FSTL4: variants seen among roughly 807,000 people sequenced by gnomAD.
FSTL4 encodes the protein follistatin like 4, also known as follistatin-related protein 4.
Under a neutral mutation model 78.2 loss-of-function variants are expected in FSTL4, and 28 were observed. The ratio of observed to expected loss-of-function variants is 0.36; its 90% confidence interval spans 0.27 to 0.49. The LOEUF (loss-of-function observed/expected upper bound fraction) is 0.49, where lower values mean the gene tolerates loss of function less well. Ranked by LOEUF, FSTL4 falls within the 20% of genes least tolerant of loss-of-function variation. The probability of loss-of-function intolerance (pLI) is 0.98; values close to 1 mark genes in which losing one functional copy is unlikely to be tolerated. For missense variants in FSTL4, 922 were observed against 1,084.9 expected (o/e 0.85, Z 2.11); for synonymous variants, 422 against 440.5 (o/e 0.96, Z 0.53).
At chr5:133,274,432 C>T (rs1191289011) in intron 6 of FSTL4, among the ~76,000 whole-genome samples, 1 of 88,600 alleles carries the variant, frequency 1.1e-5, no homozygotes, top group African/African-American at 4.4e-5. Flanking sequence ...ATTAAATTAG[C>T]AACTCTGTCT....
chr5:133,251,616 T>C (rs887727875), intron 6 of FSTL4, among the ~76,000 whole-genome samples: 1 of 152,084 alleles, frequency 6.6e-6, no homozygotes, highest in African/African-American at 2.4e-5. Context: ...CCCCGAACTT[T>C]AGTCAGAGAG....
At chr5:133,290,961 T>A (rs114356078) in intron 6 of FSTL4, among the ~76,000 whole-genome samples, 1,920 of 152,286 alleles carry the variant, frequency 0.013, 43 homozygotes, top group African/African-American at 0.043. Flanking sequence ...GGCTTCCCAC[T>A]CTTGTGCCGC....
chr5:133,251,389 G>A (rs936132889), intron 6 of FSTL4, among the ~76,000 whole-genome samples: 1 of 152,154 alleles, frequency 6.6e-6, no homozygotes, highest in Non-Finnish European at 1.5e-5. Context: ...CATGTGTCTG[G>A]GCAGAGAGCC....
chr5:133,293,007 A>G (rs1272371175), intron 6 of FSTL4, among the ~76,000 whole-genome samples: 4 of 152,196 alleles, frequency 2.6e-5, no homozygotes, highest in African/African-American at 9.7e-5. Flanking sequence ...TGGAGGCCTG[A>G]GAAGAAAATT....
chr5:133,327,277 T>C (rs573811116), intron 4 of FSTL4, among the ~76,000 whole-genome samples: 5 of 152,300 alleles, frequency 3.3e-5, no homozygotes, highest in African/African-American at 9.6e-5. Flanking sequence ...GGTCTGCAGG[T>C]CTGTTAGAAA....
chr5:133,242,699 C>T (rs545732785), intron 7 of FSTL4, among the ~76,000 whole-genome samples: 5 of 152,178 alleles, frequency 3.3e-5, no homozygotes, highest in South Asian at 2.1e-4. Flanking sequence ...GACACTACTC[C>T]CAATGGTTTG....
At chr5:133,251,610 G>A (rs189181223) in intron 6 of FSTL4, among the ~76,000 whole-genome samples, 199 of 151,928 alleles carry the variant, frequency 1.3e-3, no homozygotes, top group Non-Finnish European at 1.9e-3. Context: ...TCTAAACCCC[G>A]AACTTTAGTC....
chr5:133,423,485 G>A (rs1756741022), intron 3 of FSTL4, among the ~76,000 whole-genome samples: 1 of 152,212 alleles, frequency 6.6e-6, no homozygotes, highest in Non-Finnish European at 1.5e-5. Context: ...AGCGGGCAGG[G>A]CTGCCCAATT....
chr5:133,393,750 T>C (rs534564991), intron 4 of FSTL4, among the ~76,000 whole-genome samples: 2 of 152,358 alleles, frequency 1.3e-5, no homozygotes, highest in South Asian at 4.1e-4. Context: ...AGTTTCCTAC[T>C]CTTTCCTTAG....
At chr5:133,803,402 C>T in the FSTL4 span, among the ~76,000 whole-genome samples, 9 of 152,090 alleles carry the variant, frequency 5.9e-5, no homozygotes, top group African/African-American at 2.2e-4. Flanking sequence ...CACAGTTGGG[C>T]CCCGCCTCTA....
the FSTL4 span, among the ~76,000 whole-genome samples, chr5:133,680,802 T>C: frequency 6.6e-6 from 1 of 152,244 alleles, no homozygotes. Flanking sequence ...AGCTGCCATC[T>C]GCAAGGACTT....
the FSTL4 span, among the ~76,000 whole-genome samples, chr5:133,662,855 C>T: frequency 6.6e-6 from 1 of 152,152 alleles, no homozygotes; most frequent in Admixed American, 6.5e-5. Flanking sequence ...CTCATTTAAC[C>T]ATGTGCCTTG....
chr5:133,789,147 A>T, the FSTL4 span, among the ~76,000 whole-genome samples: 1 of 152,200 alleles, frequency 6.6e-6, no homozygotes, highest in African/African-American at 2.4e-5. Flanking sequence ...ACCTGAGCCC[A>T]GTGATTCAAA....
At chr5:133,520,428 T>G (rs1758954568) in intron 3 of FSTL4, among the ~76,000 whole-genome samples, 1 of 146,812 alleles carries the variant, frequency 6.8e-6, no homozygotes. Flanking sequence ...ATATTTGGCG[T>G]TGGGGTGGGG....
At chr5:133,205,621 A>T (rs1750473042) in intron 14 of FSTL4, among the ~76,000 whole-genome samples, 1 of 152,242 alleles carries the variant, frequency 6.6e-6, no homozygotes, top group African/African-American at 2.4e-5. Context: ...CTTTAATTTG[A>T]ATTCAATTAA....
intron 4 of FSTL4, among the ~76,000 whole-genome samples, chr5:133,329,941 G>A (rs1195600016): frequency 1.3e-5 from 2 of 152,162 alleles, no homozygotes; most frequent in Non-Finnish European, 2.9e-5. Context: ...TTTGGCAAAG[G>A]CATTCCAAGG....
chr5:133,765,672 C>T, the FSTL4 span, among the ~76,000 whole-genome samples: 3 of 152,058 alleles, frequency 2.0e-5, no homozygotes, highest in Admixed American at 6.5e-5. Flanking sequence ...GAACAGAGGC[C>T]GAGCACAGTG....
chr5:133,352,658 T>C (rs557978807), intron 4 of FSTL4, among the ~76,000 whole-genome samples: 2 of 152,334 alleles, frequency 1.3e-5, no homozygotes, highest in East Asian at 3.9e-4. Flanking sequence ...TATGTCCACA[T>C]GTACCCAATG....
the FSTL4 span, among the ~76,000 whole-genome samples, chr5:133,652,920 T>C: frequency 1.3e-5 from 2 of 152,188 alleles, no homozygotes; most frequent in African/African-American, 4.8e-5. Flanking sequence ...ATTCCATCTC[T>C]TGGGGGTTTA....
Sources: gnomAD v4.1 joint callset for allele counts (sites outside exome capture counted in the v4.1 genomes callset) on GRCh38, gnomAD v4.1.1 for gene constraint, MANE v1.5 for transcripts, NCBI Gene and HGNC (gene_info 2026-07-23, HGNC 2026-07-21) for gene names.